ANKRD13C: variants seen among roughly 807,000 people sequenced by gnomAD.
ANKRD13C encodes ankyrin repeat domain 13C, also known as ankyrin repeat domain-containing protein 13C.
Under a neutral mutation model 65.5 loss-of-function variants are expected in ANKRD13C, and 16 were observed. That is an observed-to-expected ratio of 0.24 (90% confidence interval 0.17 to 0.37). The LOEUF (loss-of-function observed/expected upper bound fraction) is 0.37, where lower values mean the gene tolerates loss of function less well. ANKRD13C is among the 10% of genes least tolerant of loss of function. The pLI is 1.00. For synonymous variants in ANKRD13C, 235 were observed against 238.7 expected (o/e 0.98, Z 0.14); for missense variants, 503 against 655.9 (o/e 0.77, Z 2.55).
At chr1:70,300,574 C>T (rs1053529868) in intron 7 of ANKRD13C, among the ~76,000 whole-genome samples, 190 bp downstream of exon 7, 1 of 151,460 alleles carries the variant, frequency 6.6e-6, no homozygotes, top group Non-Finnish European at 1.5e-5. Flanking sequence ...GGTGACAGAG[C>T]GAGACTCCAG....
chr1:70,301,601 T>C (rs944528191), intron 6 of ANKRD13C, among the ~76,000 whole-genome samples: 4 of 152,168 alleles, frequency 2.6e-5, no homozygotes, highest in African/African-American at 9.7e-5. Context: ...AATACTCTCT[T>C]TCCCAACCAA....
intron 1 of ANKRD13C, among the ~76,000 whole-genome samples, chr1:70,352,889 TAGATAATTATACA>T (rs1682808148): frequency 6.6e-6 from 1 of 152,208 alleles, no homozygotes; most frequent in Non-Finnish European, 1.5e-5. Flanking sequence ...ATGCAGTTGT[TAGATAATTATACA>T]GCCAAGAGAA....
chr1:70,289,919 C>T (rs2101238066), intron 9 of ANKRD13C, among the ~76,000 whole-genome samples: 1 of 152,262 alleles, frequency 6.6e-6, no homozygotes, highest in East Asian at 1.9e-4. Context: ...GAGAAGACAG[C>T]AGCCCTGTCA....
intron 1 of ANKRD13C, among the ~76,000 whole-genome samples, chr1:70,347,343 C>G (rs1266345444): frequency 6.6e-6 from 1 of 151,596 alleles, no homozygotes; most frequent in Non-Finnish European, 1.5e-5. Context: ...TTTCTGGAAC[C>G]CAAGCATTCT....
At chr1:70,301,760 T>G (rs1380517376) in intron 6 of ANKRD13C, among the ~76,000 whole-genome samples, 1 of 152,252 alleles carries the variant, frequency 6.6e-6, no homozygotes, top group Non-Finnish European at 1.5e-5. Context: ...CACAAAGCAC[T>G]ACTTGCCGAA....
At chr1:70,349,885 C>T (rs182279084) in intron 1 of ANKRD13C, among the ~76,000 whole-genome samples, 2 of 152,284 alleles carry the variant, frequency 1.3e-5, no homozygotes, top group Admixed American at 6.5e-5. Flanking sequence ...CCTGTAATCC[C>T]AGCACTTTTG....
intron 9 of ANKRD13C, among the ~76,000 whole-genome samples, chr1:70,286,821 A>G (rs1679642666): frequency 1.3e-5 from 2 of 152,150 alleles, no homozygotes; most frequent in South Asian, 4.1e-4. Flanking sequence ...CCCTGTCTCC[A>G]CTAAAAATAC....
At chr1:70,274,561 A>G (rs895699585) in intron 11 of ANKRD13C, among the ~76,000 whole-genome samples, 159 bp downstream of exon 11, 2 of 152,096 alleles carry the variant, frequency 1.3e-5, no homozygotes, top group Admixed American at 1.3e-4. Context: ...ACTTTTGCGA[A>G]CCAGAAAAGT....
At position 70,284,690 on chromosome 1, in the gene ANKRD13C, C is replaced by T. The variant is rs543314865; in HGVS notation, c.1215+7698G>A. On this transcript the variant is annotated intron_variant, in intron 9 of 12. Coordinates refer to ENST00000370944, the MANE Select transcript of ANKRD13C (RefSeq NM_030816.5). ...TTCGTAACTCAGACAAATTAACTTA[C>T]TTAAACCTCAATTTCTTTTTTATAA... Among the ~76,000 whole-genome samples the T allele has an allele frequency of 2.0e-5, 3 of 152,328 alleles. No homozygotes were observed. In the East Asian group the frequency reaches 5.8e-4, roughly 29 times the overall value.
At chr1:70,297,158 T>C in intron 7 of ANKRD13C, among the ~76,000 whole-genome samples, 1 of 151,958 alleles carries the variant, frequency 6.6e-6, no homozygotes, top group Non-Finnish European at 1.5e-5. Flanking sequence ...GTCTGGAGAA[T>C]AATAACAGTC....
At chr1:70,274,047 G>T (rs763796641) in intron 11 of ANKRD13C, among the ~76,000 whole-genome samples, 17 of 152,034 alleles carry the variant, frequency 1.1e-4, no homozygotes, top group African/African-American at 3.9e-4. Context: ...GCAAAAACAC[G>T]GATAACTCTA....
chr1:70,339,070 G>A (rs1032368398), intron 1 of ANKRD13C, among the ~76,000 whole-genome samples: 1 of 151,916 alleles, frequency 6.6e-6, no homozygotes, highest in Non-Finnish European at 1.5e-5. Flanking sequence ...AAAATAGCCG[G>A]GTGTGGTAGC....
At chr1:70,308,883 C>T (rs1680711982) in intron 5 of ANKRD13C, among the ~76,000 whole-genome samples, 2 of 152,036 alleles carry the variant, frequency 1.3e-5, no homozygotes, top group Non-Finnish European at 1.5e-5. Context: ...AACTCTTTTT[C>T]TCCTCCACGT....
intron 4 of ANKRD13C, 132 bp from the exon 5 acceptor site, chr1:70,313,922 C>T: frequency 1.9e-6 from 1 of 539,992 alleles, no homozygotes; most frequent in South Asian, 3.5e-5. Flanking sequence ...AAATATGCAC[C>T]TGTATATTTT....
intron 1 of ANKRD13C, among the ~76,000 whole-genome samples, chr1:70,339,469 C>A (rs1458380484): frequency 6.6e-6 from 1 of 151,594 alleles, no homozygotes; most frequent in African/African-American, 2.4e-5. Flanking sequence ...CAGGTGCCCA[C>A]CAACATACCC....
intron 10 of ANKRD13C, among the ~76,000 whole-genome samples, chr1:70,276,411 T>C (rs963461045): frequency 6.6e-6 from 1 of 152,198 alleles, no homozygotes; most frequent in African/African-American, 2.4e-5. Flanking sequence ...ATCAGGATAA[T>C]CACAAAATAG....
At chr1:70,317,238 C>CT (rs542722119) in intron 3 of ANKRD13C, among the ~76,000 whole-genome samples, 8 of 152,204 alleles carry the variant, frequency 5.3e-5, no homozygotes, top group Non-Finnish European at 1.0e-4. Flanking sequence ...ATAATCAAAA[C>CT]TGAGACACAG....
At chr1:70,297,310 T>TTTTTTTTTTTTTAAAAA in intron 7 of ANKRD13C, among the ~76,000 whole-genome samples, 1 of 146,472 alleles carries the variant, frequency 6.8e-6, no homozygotes, top group South Asian at 2.2e-4. Flanking sequence ...TTTTTTTTTT[T>TTTTTTTTTTTTTAAAAA]TGAGACAGAG....
chr1:70,329,254 G>T (rs1681680577), intron 2 of ANKRD13C, among the ~76,000 whole-genome samples: 1 of 152,190 alleles, frequency 6.6e-6, no homozygotes, highest in South Asian at 2.1e-4. Flanking sequence ...AAATAGGCCA[G>T]GAGCAGTGGC....
Sources: gnomAD v4.1 joint callset for allele counts (sites outside exome capture counted in the v4.1 genomes callset) on GRCh38, gnomAD v4.1.1 for gene constraint, MANE v1.5 for transcripts, NCBI Gene and HGNC (gene_info 2026-07-23, HGNC 2026-07-21) for gene names.